NF1: variants seen among roughly 807,000 people sequenced by gnomAD.
The protein encoded by NF1 is neurofibromin.
A neutral mutation model predicts 325.7 loss-of-function variants in NF1; 122 were observed. That is an observed-to-expected ratio of 0.37 (90% CI 0.32 to 0.44). The LOEUF (loss-of-function observed/expected upper bound fraction) is 0.44, where lower values mean the gene tolerates loss of function less well. Among genes scored for constraint, NF1 ranks in the 20% least tolerant of loss-of-function variants. NF1 has a pLI of 1.00. For synonymous variants in NF1, 1,091 were observed against 1,186.0 expected (o/e 0.92, Z 1.65); for missense variants, 2,140 against 3,415.4 (o/e 0.63, Z 9.31).
At chr17:31,195,209 A>G (rs1406206807) in intron 8 of NF1, among the ~76,000 whole-genome samples, 1 of 151,978 alleles carries the variant, frequency 6.6e-6, no homozygotes, top group African/African-American at 2.4e-5. Context: ...CTTCCTATTC[A>G]CTCTTGACCT....
chr17:31,354,247 AT>A (rs1306995354), intron 51 of NF1, among the ~76,000 whole-genome samples: 1 of 152,204 alleles, frequency 6.6e-6, no homozygotes, highest in Non-Finnish European at 1.5e-5. Context: ...ATCTGGGGAA[AT>A]TAGAAGAAAA....
intron 36 of NF1, among the ~76,000 whole-genome samples, chr17:31,288,020 A>G (rs937735207): frequency 2.0e-5 from 3 of 151,878 alleles, no homozygotes; most frequent in Admixed American, 6.6e-5. Flanking sequence ...AGCATGGCAC[A>G]TGTATACATA....
chr17:31,201,207 C>G (rs750647385), intron 10 of NF1, 48 bp downstream of exon 10: 22 of 1,609,012 alleles, frequency 1.4e-5, no homozygotes, highest in Non-Finnish European at 1.8e-5. Context: ...TGCTGTTATC[C>G]TTTATAAACA....
At chr17:31,105,873 C>T (rs57548530) in intron 1 of NF1, among the ~76,000 whole-genome samples, 6,842 of 152,222 alleles carry the variant, frequency 0.045, 500 homozygotes, top group African/African-American at 0.16. Flanking sequence ...CGTGTCCCAC[C>T]CCCACCAGCA....
chr17:31,232,660 C>A (rs757133007), intron 25 of NF1, 40 bp from the exon 26 acceptor site: 2 of 1,549,738 alleles, frequency 1.3e-6, no homozygotes, highest in Admixed American at 3.3e-5. Flanking sequence ...CTAGTTGATA[C>A]GGCCTTCACT....
intron 57 of NF1, 135 bp from the exon 58 acceptor site, chr17:31,373,878 C>T: frequency 1.8e-6 from 2 of 1,096,544 alleles, no homozygotes; most frequent in South Asian, 2.7e-5. Flanking sequence ...GTACACTCCA[C>T]AATATTTGCA....
intron 36 of NF1, chr17:31,305,382 G>T (rs1393940274): frequency 1.2e-6 from 2 of 1,614,176 alleles, no homozygotes; most frequent in South Asian, 2.2e-5. Context: ...GTCCAGCAGT[G>T]ACTTTGGCAG....
chr17:31,280,224 TAA>T lies in NF1; in HGVS notation c.4835+14890_4835+14891del, dbSNP rs796889431. On this transcript the variant is annotated intron_variant, in intron 36 of 57. Transcript: ENST00000358273. ...GTTTTTTTTTAATTTTTTTTTTTTT[TAA>T]AAAAGAAAGAAATGTAAGAACCCAC... is the stretch of plus-strand genomic sequence containing the variant. Among the ~76,000 whole-genome samples the T allele has an allele frequency of 4.4e-3, 666 of 150,716 alleles. 5 individuals carry two copies. The highest frequency in any genetic ancestry group is 0.015 in the African/African-American group (636 of 41,036).
At chr17:31,367,817 C>T (rs1416051794) in intron 57 of NF1, among the ~76,000 whole-genome samples, 4 of 151,988 alleles carry the variant, frequency 2.6e-5, no homozygotes, top group South Asian at 2.1e-4. Context: ...GCCTGGGTAA[C>T]GTGGCAAAAC....
At chr17:31,287,866 G>A (rs1160952335) in intron 36 of NF1, among the ~76,000 whole-genome samples, 2 of 148,000 alleles carry the variant, frequency 1.4e-5, no homozygotes, top group African/African-American at 5.0e-5. Context: ...TCACTCATAG[G>A]TGGGAATTGA....
At position 31,362,784 on chromosome 17, in the gene NF1, A is replaced by G. The variant is rs1013863805; in HGVS notation, c.8377+2081A>G. ...GACTTTTTTTACCCAGTCTAATTGT[A>G]GGGAAATTTCTGCCTATCTTTGCCC... is the stretch of plus-strand genomic sequence containing the variant. On this transcript the variant is annotated intron_variant, in intron 57 of 57. Coordinates refer to ENST00000358273, the MANE Select transcript of NF1 (RefSeq NM_001042492.3). Among the ~76,000 whole-genome samples, 3 of 152,226 alleles carry G rather than the reference A, an allele frequency of 2.0e-5. No individual in the cohort carries two copies. In the East Asian group the frequency reaches 5.8e-4, roughly 29 times the overall value.
chr17:31,106,269 A>G (rs1189402679), intron 1 of NF1, among the ~76,000 whole-genome samples: 1 of 152,238 alleles, frequency 6.6e-6, no homozygotes, highest in Non-Finnish European at 1.5e-5. Context: ...CCCTTCTCAC[A>G]TCATGGGCTT....
rs2151585184 is a variant in NF1 at position 31,358,631 on chromosome 17, A to T, written c.8113+9A>T. 1 of 1,614,014 alleles carries T rather than the reference A, an allele frequency of 6.2e-7. No individual in the cohort carries two copies. Among genetic ancestry groups the T allele is most frequent in the Non-Finnish European group, 8.5e-7 (1 of 1,179,914 alleles). On this transcript the variant is annotated intron_variant, in intron 55 of 57. Coordinates refer to ENST00000358273, the MANE Select transcript of NF1 (RefSeq NM_001042492.3). Reference sequence around the variant, plus strand: ...AACATCTTACCTGCAAAGTAAATAAATGTATCTGGAGAAGGATGGTTGATG... The same window carrying T: ...AACATCTTACCTGCAAAGTAAATAATTGTATCTGGAGAAGGATGGTTGATG...
At chr17:31,098,760 C>G (rs1912016537) in intron 1 of NF1, among the ~76,000 whole-genome samples, 1 of 151,754 alleles carries the variant, frequency 6.6e-6, no homozygotes, top group African/African-American at 2.4e-5. Context: ...AGTGAAACCC[C>G]ATCTCTACTA....
chr17:31,340,377 A>C lies in NF1; in HGVS notation c.6922-128A>C, dbSNP rs1037482895. On this transcript the variant is annotated intron_variant, in intron 46 of 57. Coordinates refer to ENST00000358273, the MANE Select transcript of NF1 (RefSeq NM_001042492.3). ...AAGTGAAGAGCTTACTCATATCTTT[A>C]TCTTCCCCAAAAGAGAAAACATGGG... 5 of 1,212,590 alleles carry C rather than the reference A, an allele frequency of 4.1e-6. No individual in the cohort carries two copies. In the African/African-American group the frequency reaches 6.0e-5, roughly 14 times the overall value. The allele number at this position is 1,212,590 out of a possible 1,614,324, so 75.1% of individuals were successfully genotyped here.
chr17:31,364,691 C>T (rs1026187444), intron 57 of NF1, among the ~76,000 whole-genome samples: 10 of 152,166 alleles, frequency 6.6e-5, no homozygotes, highest in Non-Finnish European at 4.4e-5. Flanking sequence ...GACTGTTTTA[C>T]AAGTCTACAT....
intron 5 of NF1, among the ~76,000 whole-genome samples, chr17:31,174,300 G>C (rs541803452): frequency 6.6e-6 from 1 of 152,242 alleles, no homozygotes; most frequent in Non-Finnish European, 1.5e-5. Context: ...GCAAAATAAA[G>C]AAAATGAACA....
intron 57 of NF1, among the ~76,000 whole-genome samples, chr17:31,365,227 G>A (rs564267405): frequency 2.2e-4 from 31 of 139,858 alleles, no homozygotes; most frequent in Middle Eastern, 3.8e-3. Context: ...CAAGGCTGTG[G>A]TGAGCTGTGA....
intron 1 of NF1, among the ~76,000 whole-genome samples, chr17:31,114,624 G>A (rs555717991): frequency 3.6e-4 from 54 of 151,948 alleles, no homozygotes; most frequent in African/African-American, 1.3e-3. Flanking sequence ...TGGAAGCTGA[G>A]GTGGGCAGGT....
Sources: gnomAD v4.1 joint callset for allele counts (sites outside exome capture counted in the v4.1 genomes callset) on GRCh38, gnomAD v4.1.1 for gene constraint, MANE v1.5 for transcripts, NCBI Gene and HGNC (gene_info 2026-07-23, HGNC 2026-07-21) for gene names.